COBL: variants seen among roughly 807,000 people sequenced by gnomAD.
COBL encodes protein cordon-bleu.
In COBL, 51 loss-of-function variants were observed where a neutral mutation model predicts 98.8. That is an observed-to-expected ratio of 0.52 (90% CI 0.41 to 0.65). The LOEUF (loss-of-function observed/expected upper bound fraction) is 0.65. COBL is among the 30% of genes least tolerant of loss of function. The probability of loss-of-function intolerance (pLI) is 0.00; values close to 1 mark genes in which losing one functional copy is unlikely to be tolerated. For missense variants in COBL, 1,617 were observed against 1,617.5 expected, an observed-to-expected ratio of 1.00 and a Z score of 0.01; for synonymous variants, 634 against 651.7, an observed-to-expected ratio of 0.97 and a Z score of 0.41.
At chr7:51,102,296 G>A (rs1004746646) in intron 6 of COBL, among the ~76,000 whole-genome samples, 2 of 152,106 alleles carry the variant, frequency 1.3e-5, no homozygotes, top group Non-Finnish European at 2.9e-5. Context: ...ACGGATTTCT[G>A]GGTCATTTTT....
chr7:51,139,152 G>A (rs1799511516), intron 5 of COBL, among the ~76,000 whole-genome samples: 1 of 152,164 alleles, frequency 6.6e-6, no homozygotes, highest in African/African-American at 2.4e-5. Context: ...AATGGGAATA[G>A]ACCCCATAAA....
intron 1 of COBL, among the ~76,000 whole-genome samples, chr7:51,251,230 A>G (rs1796708287): frequency 1.3e-5 from 2 of 152,226 alleles, no homozygotes; most frequent in African/African-American, 4.8e-5. Flanking sequence ...AATGTATATG[A>G]CATGCCAGGT....
In COBL at chr7:51,277,296, ATGTGTGTGCATCTG is replaced by A. The variant is rs1352971115; in HGVS notation, c.41+39283_41+39296del. Among the ~76,000 whole-genome samples, 3 of 152,240 alleles carry A rather than the reference ATGTGTGTGCATCTG, an allele frequency of 2.0e-5. No individual in the cohort carries two copies. The East Asian group carries it at 5.8e-4, about 30-fold the overall frequency. ...TGTGCCTTGCTCTAAGAGAGAAGGT[ATGTGTGTGCATCTG>A]TGTGTGTGCATGTGTGCATGCAGAA... On this transcript the variant is annotated intron_variant, in intron 1 of 12. Coordinates refer to ENST00000265136, the MANE Select transcript of COBL (RefSeq NM_015198.5).
chr7:51,170,284 A>G (rs1787724149), intron 5 of COBL, among the ~76,000 whole-genome samples: 1 of 151,836 alleles, frequency 6.6e-6, no homozygotes, highest in Admixed American at 6.6e-5. Flanking sequence ...CCTGTTGTAT[A>G]CCATGCTTCG....
At position 51,259,270 on chromosome 7, in the gene COBL, G is replaced by C. The variant is rs1269629703; in HGVS notation, c.42-39326C>G. 2.8e-5 allele frequency among the ~76,000 whole-genome samples: 4 copies of C among 144,554 alleles called. No homozygotes were observed. The East Asian group carries it at 6.1e-4, about 22-fold the overall frequency. The allele number at this position is 144,554 out of a possible 152,430, so 94.8% of individuals were successfully genotyped here. A position where few individuals can be genotyped will look rare whatever the true frequency, so the allele number is the denominator to read the frequency against. On this transcript the variant is annotated intron_variant, in intron 1 of 12. Transcript: ENST00000265136. ...CAACCGCACTCCAGGCTGGGGAACA[G>C]AGTGAGACTCCAGCTCAAAAAAAAA...
At chr7:51,248,380 G>A (rs1796446180) in intron 1 of COBL, among the ~76,000 whole-genome samples, 1 of 152,028 alleles carries the variant, frequency 6.6e-6, no homozygotes, top group Admixed American at 6.6e-5. Context: ...CCCGACCATG[G>A]GCTTTGCAGT....
intron 1 of COBL, among the ~76,000 whole-genome samples, chr7:51,260,951 T>G (rs1160447634): frequency 6.6e-6 from 1 of 152,172 alleles, no homozygotes; most frequent in East Asian, 1.9e-4. Context: ...CAAAACCTTC[T>G]GAGGGCATCT....
At chr7:51,077,001 C>T (rs1226932298) in intron 7 of COBL, among the ~76,000 whole-genome samples, 2 of 152,124 alleles carry the variant, frequency 1.3e-5, no homozygotes, top group African/African-American at 4.8e-5. Flanking sequence ...ATCAGCACTG[C>T]AAATCTTGTA....
intron 1 of COBL, among the ~76,000 whole-genome samples, chr7:51,275,129 A>C (rs764051367): frequency 6.6e-6 from 1 of 152,146 alleles, no homozygotes; most frequent in Non-Finnish European, 1.5e-5. Flanking sequence ...ACGCACGTGG[A>C]GCCGCTCCAT....
At chr7:51,269,415 T>C (rs1431792919) in intron 1 of COBL, among the ~76,000 whole-genome samples, 1 of 152,160 alleles carries the variant, frequency 6.6e-6, no homozygotes, top group African/African-American at 2.4e-5. Context: ...TGTCATGCCG[T>C]GCTGCTGGTA....
Position 51,026,580 on chromosome 7 carries a change from A to T in COBL, c.3470T>A (p.Ile1157Asn). The T allele has an allele frequency of 1.9e-6, 3 of 1,614,156 alleles. No individual in the cohort carries two copies. The highest frequency in any genetic ancestry group is 2.5e-6 in the Non-Finnish European group (3 of 1,180,036). ...GCTGCAGGTGCCGCTGTGCCCGCGG[A>T]TAGCTGCCAGCAGTGCAGATCGTTC... ...EGERSALLAA[I>N]RGHSGTCSLR... The change falls in exon 11 of 13, where the codon ATC becomes AAC. Residue 1157 changes from isoleucine (I) to asparagine (N), a missense_variant. Coordinates refer to ENST00000265136, the MANE Select transcript of COBL (RefSeq NM_015198.5).
intron 5 of COBL, among the ~76,000 whole-genome samples, chr7:51,145,311 C>T (rs923764628): frequency 4.0e-5 from 6 of 150,820 alleles, no homozygotes; most frequent in Middle Eastern, 3.4e-3. Flanking sequence ...CCACCATGCC[C>T]GGCCTGTTTT....
chr7:51,084,474 A>G (rs1348301301), intron 7 of COBL, among the ~76,000 whole-genome samples: 1 of 152,150 alleles, frequency 6.6e-6, no homozygotes, highest in African/African-American at 2.4e-5. Context: ...CATAAGTGAA[A>G]TAACAAATGC....
At chr7:51,259,097 G>A (rs956301856) in intron 1 of COBL, among the ~76,000 whole-genome samples, 10 of 152,056 alleles carry the variant, frequency 6.6e-5, no homozygotes, top group African/African-American at 2.2e-4. Flanking sequence ...AGACCAGCCT[G>A]ACCAACATGG....
At chr7:51,281,073 G>A (rs1388652161) in intron 1 of COBL, among the ~76,000 whole-genome samples, 2 of 152,126 alleles carry the variant, frequency 1.3e-5, no homozygotes, top group African/African-American at 2.4e-5. Flanking sequence ...GGGCAAGAAC[G>A]CTTGAAATGA....
intron 1 of COBL, among the ~76,000 whole-genome samples, chr7:51,238,024 G>A (rs1017859905): frequency 6.6e-6 from 1 of 152,192 alleles, no homozygotes; most frequent in Non-Finnish European, 1.5e-5. Context: ...AAAGGGGAAC[G>A]AAGAAGGAAA....
chr7:51,311,011 A>G (rs1411164009), intron 1 of COBL, among the ~76,000 whole-genome samples: 1 of 151,926 alleles, frequency 6.6e-6, no homozygotes, highest in Non-Finnish European at 1.5e-5. Context: ...CTCTAAATCA[A>G]TTGATGTCCT....
At chr7:51,063,304 T>C (rs1791575490) in intron 7 of COBL, among the ~76,000 whole-genome samples, 1 of 151,964 alleles carries the variant, frequency 6.6e-6, no homozygotes, top group African/African-American at 2.4e-5. Context: ...CCGGCTAATT[T>C]TTGTATTTTC....
chr7:51,208,318 C>A (rs1792002134), intron 2 of COBL, among the ~76,000 whole-genome samples: 1 of 151,876 alleles, frequency 6.6e-6, no homozygotes, highest in Admixed American at 6.5e-5. Context: ...GCCCGGCAGC[C>A]ACCCCGTCCA....
Sources: allele counts gnomAD v4.1 joint callset (sites outside exome capture counted in the v4.1 genomes callset), GRCh38; gene constraint gnomAD v4.1.1; transcripts MANE v1.5; gene names NCBI Gene and HGNC (gene_info 2026-07-23, HGNC 2026-07-21).